CNTN5: variants seen among roughly 807,000 people sequenced by gnomAD.
The protein encoded by CNTN5 is contactin 5, also known as contactin-5.
Under a neutral mutation model 129.1 loss-of-function variants are expected in CNTN5, and 77 were observed. That is an observed-to-expected ratio of 0.60 (90% CI 0.50 to 0.72). The LOEUF is 0.72. Ranked by LOEUF, CNTN5 falls within the 30% of genes least tolerant of loss-of-function variation. The pLI, the probability that CNTN5 is intolerant of heterozygous loss-of-function variation, is 0.00. For synonymous variants in CNTN5, 509 were observed against 465.6 expected, an observed-to-expected ratio of 1.09 and a Z score of -1.20; for missense variants, 1,478 against 1,328.8, an observed-to-expected ratio of 1.11 and a Z score of -1.75.
chr11:99,888,439 A>C (rs1017273983), intron 6 of CNTN5, among the ~76,000 whole-genome samples: 1 of 152,238 alleles, frequency 6.6e-6, no homozygotes, highest in African/African-American at 2.4e-5. Flanking sequence ...GATGACTGAA[A>C]AGAGCACAGA....
At chr11:99,120,131 A>T (rs977390591) in intron 1 of CNTN5, 3 of 151,998 alleles carry the variant, frequency 2.0e-5, no homozygotes, top group Non-Finnish European at 1.5e-5. Flanking sequence ...GTTTAATTAG[A>T]TCCAATTTGT....
intron 3 of CNTN5, among the ~76,000 whole-genome samples, chr11:99,560,570 C>T (rs779391756): frequency 2.2e-4 from 34 of 152,182 alleles, no homozygotes; most frequent in African/African-American, 7.7e-4. Flanking sequence ...GGATAACAGG[C>T]GTGAGCCACC....
chr11:99,990,484 ATACATACT>A (rs1254499123), intron 8 of CNTN5, among the ~76,000 whole-genome samples: 2 of 149,698 alleles, frequency 1.3e-5, no homozygotes, highest in African/African-American at 2.4e-5. Context: ...ACACACACAC[ATACATACT>A]AGTGATGAAA....
intron 2 of CNTN5, among the ~76,000 whole-genome samples, chr11:99,473,256 A>T (rs1016234479): frequency 6.6e-6 from 1 of 152,122 alleles, no homozygotes; most frequent in Non-Finnish European, 1.5e-5. Flanking sequence ...GGCTATTAGG[A>T]TGGATTTTCT....
intron 8 of CNTN5, among the ~76,000 whole-genome samples, chr11:99,999,720 C>A (rs1316122268): frequency 1.3e-5 from 2 of 151,994 alleles, no homozygotes; most frequent in African/African-American, 4.8e-5. Flanking sequence ...ATGTTTATTG[C>A]AGCACTATTC....
At chr11:99,923,412 C>G (rs1362381878) in intron 7 of CNTN5, among the ~76,000 whole-genome samples, 1 of 152,092 alleles carries the variant, frequency 6.6e-6, no homozygotes, top group African/African-American at 2.4e-5. Flanking sequence ...TAGAAATAGC[C>G]TCATAAAACC....
intron 3 of CNTN5, among the ~76,000 whole-genome samples, chr11:99,714,935 A>C (rs1052497863): frequency 6.6e-6 from 1 of 151,070 alleles, no homozygotes; most frequent in Non-Finnish European, 1.5e-5. Flanking sequence ...GCTTAAACGT[A>C]AGGGTTGTGG....
At chr11:100,289,464 T>C (rs1650961141) in intron 18 of CNTN5, among the ~76,000 whole-genome samples, 1 of 151,206 alleles carries the variant, frequency 6.6e-6, no homozygotes, top group East Asian at 1.9e-4. Context: ...TATACGCAAA[T>C]CAATAAATGT....
intron 13 of CNTN5, among the ~76,000 whole-genome samples, chr11:100,135,086 A>G (rs1172937652): frequency 6.6e-6 from 1 of 152,114 alleles, no homozygotes; most frequent in Non-Finnish European, 1.5e-5. Flanking sequence ...GATTCTAAAG[A>G]CATAAAGAGA....
At chr11:99,436,100 C>T (rs905579609) in intron 2 of CNTN5, among the ~76,000 whole-genome samples, 3 of 152,072 alleles carry the variant, frequency 2.0e-5, no homozygotes, top group African/African-American at 4.8e-5. Context: ...CTTAAATGTT[C>T]TAAAGGAGTA....
At chr11:99,086,249 C>G (rs1200097924) in intron 1 of CNTN5, among the ~76,000 whole-genome samples, 2 of 152,224 alleles carry the variant, frequency 1.3e-5, no homozygotes, top group African/African-American at 4.8e-5. Flanking sequence ...GGGTGCCATT[C>G]CATCTCACAC....
At chr11:99,330,123 A>C (rs1037285741) in intron 2 of CNTN5, among the ~76,000 whole-genome samples, 2 of 145,676 alleles carry the variant, frequency 1.4e-5, no homozygotes, top group African/African-American at 5.0e-5. Flanking sequence ...AAAGAAGGGA[A>C]GAAAGGAAGA....
At chr11:99,345,225 A>G (rs558782146) in intron 2 of CNTN5, among the ~76,000 whole-genome samples, 2 of 152,316 alleles carry the variant, frequency 1.3e-5, no homozygotes, top group Admixed American at 1.3e-4. Context: ...TGAAAACATA[A>G]TATGGGAATA....
chr11:100,213,557 G>T (rs561021770), intron 15 of CNTN5, among the ~76,000 whole-genome samples: 1 of 152,256 alleles, frequency 6.6e-6, no homozygotes, highest in Admixed American at 6.5e-5. Context: ...TATTTAAAAT[G>T]AGTTTTCTGT....
At chr11:100,333,432 A>AAAC (rs57944510) in intron 21 of CNTN5, among the ~76,000 whole-genome samples, 1 of 137,154 alleles carries the variant, frequency 7.3e-6, no homozygotes, top group Admixed American at 7.4e-5. Context: ...AAAAAAAAAA[A>AAAC]CACCTAAAAT....
chr11:100,206,091 TA>T (rs77788858), intron 15 of CNTN5, among the ~76,000 whole-genome samples: 21,226 of 152,052 alleles, frequency 0.14, 2,021 homozygotes, highest in South Asian at 0.39. Context: ...ATGGCAATTG[TA>T]ATGAAGGAAG....
At chr11:99,984,274 C>CA (rs567566347) in intron 8 of CNTN5, among the ~76,000 whole-genome samples, 1 of 125,108 alleles carries the variant, frequency 8.0e-6, no homozygotes. Context: ...GACTCCATCA[C>CA]AAAAAAAGAG....
At chr11:99,693,811 C>G (rs1342899130) in intron 3 of CNTN5, among the ~76,000 whole-genome samples, 6 of 152,136 alleles carry the variant, frequency 3.9e-5, no homozygotes, top group Non-Finnish European at 7.4e-5. Context: ...TTCAGCTTAA[C>G]TCAACAAGTA....
chr11:99,636,025 C>T (rs1465583129), intron 3 of CNTN5, among the ~76,000 whole-genome samples: 1 of 151,816 alleles, frequency 6.6e-6, no homozygotes, highest in Non-Finnish European at 1.5e-5. Flanking sequence ...TATTTTTAGT[C>T]TCTTGAATAT....
Sources: gnomAD v4.1 joint callset for allele counts (sites outside exome capture counted in the v4.1 genomes callset) on GRCh38, gnomAD v4.1.1 for gene constraint, MANE v1.5 for transcripts, NCBI Gene and HGNC (gene_info 2026-07-23, HGNC 2026-07-21) for gene names.